Variants in BST1 observed in about 807,000 individuals in gnomAD.
BST1 encodes the protein ADP-ribosyl cyclase/cyclic ADP-ribose hydrolase 2.
Under a neutral mutation model 40.6 loss-of-function variants are expected in BST1, and 49 were observed. That is an observed-to-expected ratio of 1.21 (90% confidence interval 0.96 to 1.53). The LOEUF (loss-of-function observed/expected upper bound fraction) is 1.53. BST1 is among the 40% of genes most tolerant of loss of function. The pLI is 0.00. For synonymous variants in BST1, 157 were observed against 159.3 expected (o/e 0.99, Z 0.11); for missense variants, 423 against 395.9 (o/e 1.07, Z -0.58).
the BST1 span, among the ~76,000 whole-genome samples, chr4:15,765,884 G>A: frequency 3.3e-5 from 5 of 151,920 alleles, no homozygotes; most frequent in Admixed American, 1.3e-4. Context: ...TACTTATCTT[G>A]TCTATTATAT....
the BST1 span, among the ~76,000 whole-genome samples, chr4:15,760,674 T>A: frequency 6.6e-6 from 1 of 150,874 alleles, no homozygotes; most frequent in Non-Finnish European, 1.5e-5. Context: ...TAAATAAATA[T>A]ATACTATATA....
chr4:15,758,489 A>T, the BST1 span, among the ~76,000 whole-genome samples: 1 of 151,918 alleles, frequency 6.6e-6, no homozygotes, highest in African/African-American at 2.4e-5. Context: ...GTTGCTGCTA[A>T]ATATGTGGAA....
chr4:15,729,063 G>T (rs1721258558), intron 8 of BST1, among the ~76,000 whole-genome samples: 1 of 152,030 alleles, frequency 6.6e-6, no homozygotes. Flanking sequence ...ACATTTATTA[G>T]GTTTACTACA....
At chr4:15,723,418 T>C (rs954348180) in intron 8 of BST1, 10 of 316,276 alleles carry the variant, frequency 3.2e-5, no homozygotes, top group Non-Finnish European at 4.1e-5. Flanking sequence ...AGCTAATTTT[T>C]TTGTATTTTT....
At chr4:15,704,830 T>C in intron 1 of BST1, 1 of 711,750 alleles carries the variant, frequency 1.4e-6, no homozygotes. Flanking sequence ...GCTGCATTTC[T>C]TACTGATTTT....
At chr4:15,718,455 T>A (rs191940967) in intron 6 of BST1, among the ~76,000 whole-genome samples, 5 of 152,388 alleles carry the variant, frequency 3.3e-5, no homozygotes, top group East Asian at 1.9e-4. Context: ...GGTAATTTTT[T>A]AAAATTTTTG....
intron 8 of BST1, among the ~76,000 whole-genome samples, chr4:15,727,729 T>G (rs774399435): frequency 6.6e-6 from 1 of 152,148 alleles, no homozygotes; most frequent in Non-Finnish European, 1.5e-5. Flanking sequence ...GTCTTTGACC[T>G]AGGTCACACT....
chr4:15,739,917 T>C (rs952527818), downstream of BST1, among the ~76,000 whole-genome samples: 2 of 150,144 alleles, frequency 1.3e-5, no homozygotes, highest in Non-Finnish European at 3.0e-5. Flanking sequence ...GAGGGAGACA[T>C]TGACAGAGAG....
chr4:15,732,384 C>G lies in BST1; in HGVS notation c.*539C>G, dbSNP rs914870075. The stretch of plus-strand genomic sequence containing the variant: ...CCAGGCTGGAGTGAGGTGGGGAGAT[C>G]TCAGCTCACTGCAACCTCTGCTTCC... On this transcript the variant is annotated 3_prime_UTR_variant, in exon 9 of 9. Transcript: ENST00000265016. The G allele has an allele frequency of 4.6e-5, 7 of 153,120 alleles. No individual in the cohort carries two copies. The highest frequency in any genetic ancestry group is 1.0e-4 in the Non-Finnish European group (7 of 68,860). The allele number at this position is 153,120 out of a possible 1,614,324, so 9.5% of individuals were successfully genotyped here.
At chr4:15,759,304 C>CA in the BST1 span, among the ~76,000 whole-genome samples, 1 of 151,826 alleles carries the variant, frequency 6.6e-6, no homozygotes, top group African/African-American at 2.4e-5. Flanking sequence ...GTAGAACGCC[C>CA]AGCAGTGGCA....
the BST1 span, among the ~76,000 whole-genome samples, chr4:15,748,516 G>T: frequency 6.6e-6 from 1 of 152,156 alleles, no homozygotes; most frequent in Admixed American, 6.5e-5. Flanking sequence ...CCATCTCAGG[G>T]TCTTACTCTC....
At chr4:15,715,651 C>A (rs1360858885) in intron 5 of BST1, 56 bp from the exon 6 acceptor site, 3 of 1,229,678 alleles carry the variant, frequency 2.4e-6, no homozygotes, top group Admixed American at 2.4e-5. Flanking sequence ...TGTAAATTAA[C>A]AACTGAAATG....
chr4:15,703,617 TTCTAGAGGTGAGGGGG>T (rs1719675954), intron 1 of BST1, among the ~76,000 whole-genome samples: 1 of 134,400 alleles, frequency 7.4e-6, no homozygotes, highest in African/African-American at 2.8e-5. Context: ...TGTGCGTGTG[TTCTAGAGGTGAGGGGG>T]GTGTGTGTGT....
chr4:15,712,886 G>T (rs1720296830), intron 4 of BST1, among the ~76,000 whole-genome samples: 1 of 152,218 alleles, frequency 6.6e-6, no homozygotes, highest in African/African-American at 2.4e-5. Flanking sequence ...GAACTGGGAG[G>T]CTACAGAGAT....
At chr4:15,720,433 A>G (rs1255307875) in intron 7 of BST1, among the ~76,000 whole-genome samples, 2 of 152,172 alleles carry the variant, frequency 1.3e-5, no homozygotes, top group Middle Eastern at 3.4e-3. Context: ...CCTGGCCAAC[A>G]TGGTGAAACC....
intron 3 of BST1, 108 bp downstream of exon 3, chr4:15,707,754 A>G: frequency 7.4e-7 from 1 of 1,355,252 alleles, no homozygotes; most frequent in Non-Finnish European, 1.0e-6. Flanking sequence ...ATCCTCTCCA[A>G]GTCCTCTGAG....
At chr4:15,750,007 C>A in the BST1 span, among the ~76,000 whole-genome samples, 1 of 150,916 alleles carries the variant, frequency 6.6e-6, no homozygotes, top group Non-Finnish European at 1.5e-5. Flanking sequence ...TTCCCAGCCT[C>A]TGGTAACTAT....
intron 8 of BST1, chr4:15,723,590 T>C: frequency 1.0e-6 from 1 of 985,458 alleles, no homozygotes; most frequent in Non-Finnish European, 1.2e-6. Flanking sequence ...ATGGGCTGGC[T>C]TGGTTGTATG....
At position 15,737,888 on chromosome 4, in the gene BST1, C is replaced by T. The variant is rs188542484; in HGVS notation, c.*114C>T. The T allele has an allele frequency of 2.6e-6, 3 of 1,138,914 alleles. No homozygotes were observed. In the Admixed American group the frequency reaches 6.9e-5, roughly 26 times the overall value. The allele number at this position is 1,138,914 out of a possible 1,614,324, so 70.6% of individuals were successfully genotyped here. The stretch of plus-strand genomic sequence containing the variant: ...GCAAGGAAGCCGAAATCTCCAGAGG[C>T]TCTGGCAAGAGTTGAGTCAATTGCA... On this transcript the variant is annotated 3_prime_UTR_variant, in exon 7 of 7. Coordinates refer to the BST1 transcript ENST00000514445.
Sources: allele counts gnomAD v4.1 joint callset (sites outside exome capture counted in the v4.1 genomes callset), GRCh38; gene constraint gnomAD v4.1.1; transcripts MANE v1.5; gene names NCBI Gene and HGNC (gene_info 2026-07-23, HGNC 2026-07-21).